TENM2: variants seen among roughly 807,000 people sequenced by gnomAD.
TENM2 encodes the protein teneurin-2.
A neutral mutation model predicts 245.2 loss-of-function variants in TENM2; 52 were observed. The ratio of observed to expected loss-of-function variants is 0.21; its 90% CI spans 0.17 to 0.27. The LOEUF (loss-of-function observed/expected upper bound fraction) is 0.27. TENM2 is among the 10% of genes least tolerant of loss of function. The pLI is 1.00. For missense variants in TENM2, 3,046 were observed against 3,666.8 expected (o/e 0.83, Z 4.37); for synonymous variants, 1,363 against 1,438.9 (o/e 0.95, Z 1.19).
At chr5:167,091,400 T>C in the TENM2 span, among the ~76,000 whole-genome samples, 3 of 152,324 alleles carry the variant, frequency 2.0e-5, no homozygotes, top group South Asian at 2.1e-4. Context: ...TGTTGTGATA[T>C]ACTTATAGTA....
intron 2 of TENM2, among the ~76,000 whole-genome samples, chr5:167,801,121 T>A (rs1331898093): frequency 0.033 from 1,709 of 51,396 alleles, 26 homozygotes; most frequent in Non-Finnish European, 0.038. Flanking sequence ...TATATATATA[T>A]ATATATATAT....
At chr5:168,253,520 G>T (rs1022694603) in intron 27 of TENM2, among the ~76,000 whole-genome samples, 1 of 151,142 alleles carries the variant, frequency 6.6e-6, no homozygotes, top group Non-Finnish European at 1.5e-5. Context: ...CCGCCTCACG[G>T]GTTCACACCA....
At chr5:167,975,527 A>C (rs1782373165) in intron 4 of TENM2, among the ~76,000 whole-genome samples, 1 of 151,984 alleles carries the variant, frequency 6.6e-6, no homozygotes, top group African/African-American at 2.4e-5. Context: ...TGGCCTACAA[A>C]CACACTTAAA....
At chr5:167,270,381 CACT>C in the TENM2 span, among the ~76,000 whole-genome samples, 3 of 152,118 alleles carry the variant, frequency 2.0e-5, no homozygotes. Context: ...TAAAGTCCGT[CACT>C]AATTGAGCAT....
intron 14 of TENM2, among the ~76,000 whole-genome samples, chr5:168,192,506 G>C (rs1161668636): frequency 1.3e-5 from 2 of 152,132 alleles, no homozygotes; most frequent in East Asian, 3.9e-4. Context: ...CTACCCCCAT[G>C]CATATGCCCT....
chr5:167,104,083 G>A, the TENM2 span, among the ~76,000 whole-genome samples: 1 of 151,910 alleles, frequency 6.6e-6, no homozygotes, highest in African/African-American at 2.4e-5. Context: ...CAAACCCAGT[G>A]CAAACTTCAT....
At chr5:167,290,499 A>G (rs112191113) in intron 1 of TENM2, among the ~76,000 whole-genome samples, 32 of 152,308 alleles carry the variant, frequency 2.1e-4, no homozygotes, top group African/African-American at 7.5e-4. Flanking sequence ...CGACCCTAAT[A>G]ATACTTTGGT....
chr5:167,054,689 G>T, the TENM2 span, among the ~76,000 whole-genome samples: 2 of 152,074 alleles, frequency 1.3e-5, no homozygotes, highest in Non-Finnish European at 2.9e-5. Flanking sequence ...TCCTAACCAG[G>T]AGTTGGTATT....
intron 6 of TENM2, among the ~76,000 whole-genome samples, chr5:168,049,617 G>A (rs1365585793): frequency 6.6e-6 from 1 of 152,074 alleles, no homozygotes; most frequent in East Asian, 1.9e-4. Flanking sequence ...AATCTTAAGA[G>A]TACAAGAGTA....
intron 2 of TENM2, among the ~76,000 whole-genome samples, chr5:167,796,992 A>G (rs1431775440): frequency 6.6e-6 from 1 of 151,786 alleles, no homozygotes; most frequent in Admixed American, 6.6e-5. Context: ...TCTATGCTCT[A>G]CAGGAGCCAA....
chr5:167,974,031 G>GGAAGGA (rs1366065134), intron 4 of TENM2, among the ~76,000 whole-genome samples: 1 of 66,328 alleles, frequency 1.5e-5, no homozygotes, highest in Non-Finnish European at 2.4e-5. Flanking sequence ...GAGGAAGGAA[G>GGAAGGA]GAAGGAGAAG....
intron 6 of TENM2, among the ~76,000 whole-genome samples, chr5:168,059,098 G>A (rs1232646604): frequency 6.6e-6 from 1 of 152,164 alleles, no homozygotes; most frequent in Non-Finnish European, 1.5e-5. Flanking sequence ...ACCCTAAGGG[G>A]CACTGTGACT....
intron 7 of TENM2, among the ~76,000 whole-genome samples, chr5:168,065,947 C>A (rs1323472005): frequency 6.6e-6 from 1 of 151,332 alleles, no homozygotes; most frequent in African/African-American, 2.4e-5. Context: ...AAACATTTTA[C>A]AACGCCTGGA....
chr5:167,601,903 T>C (rs1343809698), intron 2 of TENM2, among the ~76,000 whole-genome samples: 1 of 151,730 alleles, frequency 6.6e-6, no homozygotes, highest in Non-Finnish European at 1.5e-5. Context: ...CATCTATTGC[T>C]TAATAATGGG....
intron 2 of TENM2, among the ~76,000 whole-genome samples, chr5:167,620,390 C>T (rs1778080970): frequency 1.3e-5 from 2 of 152,078 alleles, no homozygotes; most frequent in African/African-American, 4.8e-5. Flanking sequence ...TACTGAAAAG[C>T]ATTTTAAAAA....
At chr5:167,350,761 T>TATATATATATG (rs1561883673) in intron 1 of TENM2, among the ~76,000 whole-genome samples, 2 of 71,160 alleles carry the variant, frequency 2.8e-5, no homozygotes, top group Non-Finnish European at 5.9e-5. Context: ...TATATACATA[T>TATATATATATG]GGATATATAT....
chr5:168,155,280 C>T (rs1467322442), intron 12 of TENM2, among the ~76,000 whole-genome samples: 3 of 152,038 alleles, frequency 2.0e-5, no homozygotes, highest in East Asian at 3.9e-4. Flanking sequence ...TAATGGCAGA[C>T]TCTATTATTA....
At chr5:167,614,228 T>C (rs1777643093) in intron 2 of TENM2, among the ~76,000 whole-genome samples, 1 of 152,184 alleles carries the variant, frequency 6.6e-6, no homozygotes, top group Non-Finnish European at 1.5e-5. Flanking sequence ...ATCTTTTGAA[T>C]GTCTTTAATT....
At chr5:167,116,273 T>C in the TENM2 span, 1 of 152,192 alleles carries the variant, frequency 6.6e-6, no homozygotes, top group East Asian at 1.9e-4. Flanking sequence ...GGAGCAAGTC[T>C]CAGATTGCCG....
Sources: gnomAD v4.1 joint callset for allele counts (sites outside exome capture counted in the v4.1 genomes callset) on GRCh38, gnomAD v4.1.1 for gene constraint, MANE v1.5 for transcripts, NCBI Gene and HGNC (gene_info 2026-07-23, HGNC 2026-07-21) for gene names.